RBFOX1: variants seen among roughly 807,000 people sequenced by gnomAD.
The protein encoded by RBFOX1 is RNA binding protein fox-1 homolog 1.
A neutral mutation model predicts 57.7 loss-of-function variants in RBFOX1; 8 were observed. The observed-to-expected ratio is 0.14, with a 90% CI of 0.08 to 0.25. The LOEUF (loss-of-function observed/expected upper bound fraction) is 0.25. Ranked by LOEUF, RBFOX1 falls within the 10% of genes least tolerant of loss-of-function variation. The pLI, the probability that RBFOX1 is intolerant of heterozygous loss-of-function variation, is 1.00. For synonymous variants in RBFOX1, 326 were observed against 222.4 expected (o/e 1.47, Z -4.15); for missense variants, 611 against 548.5 (o/e 1.11, Z -1.14).
intron 9 of RBFOX1, among the ~76,000 whole-genome samples, chr16:7,598,050 C>A (rs974149756): frequency 6.6e-6 from 1 of 152,120 alleles, no homozygotes; most frequent in Non-Finnish European, 1.5e-5. Flanking sequence ...CTGAAAACTC[C>A]TCCTAAAAAG....
chr16:7,171,302 G>A (rs938152009), intron 4 of RBFOX1, among the ~76,000 whole-genome samples: 2 of 152,186 alleles, frequency 1.3e-5, no homozygotes, highest in Non-Finnish European at 2.9e-5. Context: ...GAGGACTGCA[G>A]TGTCATTGTA....
At chr16:6,007,531 G>C (rs2094934858) in intron 4 of RBFOX1, among the ~76,000 whole-genome samples, 1 of 152,192 alleles carries the variant, frequency 6.6e-6, no homozygotes, top group Admixed American at 6.5e-5. Context: ...GTACCCAGTA[G>C]AGCCATGCTA....
intron 2 of RBFOX1, among the ~76,000 whole-genome samples, chr16:6,604,809 A>G (rs1462784720): frequency 1.3e-5 from 2 of 152,084 alleles, no homozygotes; most frequent in Non-Finnish European, 2.9e-5. Flanking sequence ...GGTGCTTGAG[A>G]TTGATGTAAC....
chr16:6,370,853 C>G (rs1295250980), intron 2 of RBFOX1, among the ~76,000 whole-genome samples: 3 of 152,076 alleles, frequency 2.0e-5, no homozygotes, highest in Non-Finnish European at 4.4e-5. Flanking sequence ...GTATATTTTG[C>G]TACAATTTTT....
chr16:6,186,405 C>T (rs1270648693), intron 1 of RBFOX1, among the ~76,000 whole-genome samples: 1 of 151,894 alleles, frequency 6.6e-6, no homozygotes, highest in African/African-American at 2.4e-5. Context: ...TGTTCCATGC[C>T]GAGGTGTGAG....
In RBFOX1 at chr16:7,015,240, C is replaced by T. The variant is rs76805537; in HGVS notation, c.-15-36817C>T. On this transcript the variant is annotated intron_variant, in intron 3 of 15. Transcript: ENST00000550418. ...GTGAAGGCATTAGTATCATTATAGG[C>T]GCTGAGGCTATGGGTGAGCATATGG... Among the ~76,000 whole-genome samples, 96 of 152,190 alleles carry T rather than the reference C, an allele frequency of 6.3e-4. 1 individual carries two copies. The East Asian group carries it at 0.016, about 25-fold the overall frequency.
intron 12 of RBFOX1, among the ~76,000 whole-genome samples, chr16:7,663,878 C>A (rs570917974): frequency 6.6e-6 from 1 of 152,182 alleles, no homozygotes; most frequent in Non-Finnish European, 1.5e-5. Flanking sequence ...CAGTTTCTCA[C>A]GACCACGTAG....
chr16:5,983,107 T>C (rs963670137), intron 4 of RBFOX1, among the ~76,000 whole-genome samples: 29 of 152,136 alleles, frequency 1.9e-4, no homozygotes, highest in African/African-American at 6.0e-4. Flanking sequence ...CACCTGCATC[T>C]CCGTCTCTCC....
chr16:6,424,605 C>CTGTGTGTGTGTGCGTG (rs1555466630), intron 2 of RBFOX1, among the ~76,000 whole-genome samples: 5 of 14,274 alleles, frequency 3.5e-4, no homozygotes, highest in Admixed American at 3.4e-3. Context: ...CTTAAGAGCA[C>CTGTGTGTGTGTGCGTG]TGTGTGTGTG....
rs34614158 is a variant in RBFOX1 at position 6,901,604 on chromosome 16, G to A, written c.-15-150453G>A. Reference sequence around the variant, plus strand: ...AATTATGCTGTGAGAGGCTGAGGGGGAAAAATAGACATTTTTGCAAAATCT... The same window carrying A: ...AATTATGCTGTGAGAGGCTGAGGGGAAAAAATAGACATTTTTGCAAAATCT... On this transcript the variant is annotated intron_variant, in intron 3 of 15. Coordinates refer to ENST00000550418, the MANE Select transcript of RBFOX1 (RefSeq NM_018723.4). Among the ~76,000 whole-genome samples, 640 of 152,256 alleles carry A rather than the reference G, an allele frequency of 4.2e-3. 3 individuals are homozygous for A. The highest frequency in any genetic ancestry group is 0.014 in the Middle Eastern group (4 of 294).
intron 4 of RBFOX1, among the ~76,000 whole-genome samples, chr16:7,435,182 T>G (rs1301637214): frequency 6.6e-6 from 1 of 152,158 alleles, no homozygotes; most frequent in African/African-American, 2.4e-5. Flanking sequence ...TTGCCATGTC[T>G]TCTTCTCCCC....
chr16:5,916,366 TTTCACC>T (rs1435710729), intron 4 of RBFOX1, among the ~76,000 whole-genome samples: 1 of 152,106 alleles, frequency 6.6e-6, no homozygotes, highest in African/African-American at 2.4e-5. Flanking sequence ...TAATTCTCGG[TTTCACC>T]TTCCTCCCTC....
At position 7,282,722 on chromosome 16, in the gene RBFOX1, C is replaced by T. The variant is rs553745279; in HGVS notation, c.27+230624C>T. Among the ~76,000 whole-genome samples, 38 of 152,290 alleles carry T rather than the reference C, an allele frequency of 2.5e-4. 1 individual carries two copies. The South Asian group carries it at 6.2e-3, about 25-fold the overall frequency. ...GCACCCAGTTTGTAGGCTTTTACCC[C>T]TCACCTCCTTCCCACCCTTTCTCCC... On this transcript the variant is annotated intron_variant, in intron 4 of 15. Coordinates refer to ENST00000550418, the MANE Select transcript of RBFOX1 (RefSeq NM_018723.4).
intron 4 of RBFOX1, among the ~76,000 whole-genome samples, chr16:5,985,283 T>C (rs1423826095): frequency 6.6e-6 from 1 of 151,536 alleles, no homozygotes; most frequent in African/African-American, 2.4e-5. Flanking sequence ...TGAGTCATCA[T>C]GTCCGGCCAA....
chr16:6,230,430 C>G (rs550202865), intron 1 of RBFOX1, among the ~76,000 whole-genome samples: 17 of 152,150 alleles, frequency 1.1e-4, no homozygotes, highest in South Asian at 2.1e-4. Context: ...CTGTGGAGTG[C>G]TCAGAATGGA....
At chr16:5,347,798 C>A (rs80106056) in intron 1 of RBFOX1, among the ~76,000 whole-genome samples, 2 of 150,282 alleles carry the variant, frequency 1.3e-5, no homozygotes, top group African/African-American at 4.9e-5. Flanking sequence ...ATCCGCCCAC[C>A]CTTCCACTTA....
chr16:6,677,489 A>C (rs981592082), intron 3 of RBFOX1, among the ~76,000 whole-genome samples: 20 of 152,356 alleles, frequency 1.3e-4, no homozygotes, highest in African/African-American at 4.8e-4. Flanking sequence ...GAAAGTTTTA[A>C]ACATCCAGCC....
In RBFOX1 at chr16:7,676,758, T is replaced by C; in HGVS notation, c.931-16T>C. 2 of 1,608,884 alleles carry C rather than the reference T, an allele frequency of 1.2e-6. No homozygotes were observed. Among genetic ancestry groups the C allele is most frequent in the Non-Finnish European group, 1.7e-6 (2 of 1,176,074 alleles). ...CTCCGCTACATTCCTGAGTCACATT[T>C]CTCCTTGTGTTTTAGGGTGGTTATG... On this transcript the variant is annotated splice_polypyrimidine_tract_variant and intron_variant, in intron 13 of 15. Transcript: ENST00000550418.
intron 3 of RBFOX1, among the ~76,000 whole-genome samples, chr16:6,908,277 G>T (rs1288519691): frequency 6.6e-6 from 1 of 151,644 alleles, no homozygotes; most frequent in Non-Finnish European, 1.5e-5. Context: ...CTCTCCTGCG[G>T]CTCTGGGCAG....
Sources: gnomAD v4.1 joint callset for allele counts (sites outside exome capture counted in the v4.1 genomes callset) on GRCh38, gnomAD v4.1.1 for gene constraint, MANE v1.5 for transcripts, NCBI Gene and HGNC (gene_info 2026-07-23, HGNC 2026-07-21) for gene names.